CSMD1: variants seen among roughly 807,000 people sequenced by gnomAD.
The protein encoded by CSMD1 is CUB and sushi domain-containing protein 1.
A neutral mutation model predicts 417.5 loss-of-function variants in CSMD1; 213 were observed. That is an observed-to-expected ratio of 0.51 (90% CI 0.46 to 0.57). The LOEUF is 0.57. CSMD1 is among the 20% of genes least tolerant of loss of function. The pLI is 0.00. For missense variants in CSMD1, 6,923 were observed against 4,529.7 expected (o/e 1.53, Z -15.17); for synonymous variants, 2,862 against 1,736.8 (o/e 1.65, Z -16.11).
chr8:4,068,314 G>C (rs1357875772), intron 3 of CSMD1, among the ~76,000 whole-genome samples: 2 of 152,170 alleles, frequency 1.3e-5, no homozygotes, highest in African/African-American at 2.4e-5. Context: ...TATTGCGGGA[G>C]AGCTGTGAGG....
chr8:3,229,731 A>C (rs1321760145), intron 27 of CSMD1, among the ~76,000 whole-genome samples: 3 of 152,198 alleles, frequency 2.0e-5, no homozygotes, highest in Admixed American at 6.5e-5. Flanking sequence ...AGGTTTATAA[A>C]TTTTGAGGCA....
chr8:4,221,121 G>T (rs1021146439), intron 3 of CSMD1, among the ~76,000 whole-genome samples: 1 of 152,160 alleles, frequency 6.6e-6, no homozygotes, highest in Non-Finnish European at 1.5e-5. Context: ...GGACAAGACA[G>T]AGAATAGAAA....
intron 12 of CSMD1, among the ~76,000 whole-genome samples, chr8:3,436,905 G>C (rs559591088): frequency 6.6e-6 from 1 of 152,106 alleles, no homozygotes; most frequent in South Asian, 2.1e-4. Context: ...TATTTTCTCA[G>C]CCACTTTATG....
intron 1 of CSMD1, among the ~76,000 whole-genome samples, chr8:4,950,961 G>A (rs777340774): frequency 7.4e-6 from 1 of 134,860 alleles, no homozygotes; most frequent in Non-Finnish European, 1.5e-5. Flanking sequence ...GAGACTTGTG[G>A]TAAAAAAAAC....
intron 67 of CSMD1, 70 bp from the exon 68 acceptor site, chr8:2,949,456 T>C (rs1256906078): frequency 2.7e-6 from 2 of 742,502 alleles, no homozygotes. Flanking sequence ...CCTCTTTTAA[T>C]ATATCTTTTA....
Position 4,773,149 on chromosome 8 carries a change from G to A in CSMD1, c.86-135591C>T, listed in dbSNP as rs576698097. Among the ~76,000 whole-genome samples the A allele has an allele frequency of 1.9e-3, 290 of 152,202 alleles. 1 individual carries two copies. Among genetic ancestry groups the A allele is most frequent in the Middle Eastern group, 0.01 (3 of 294 alleles). On this transcript the variant is annotated intron_variant, in intron 1 of 69. Coordinates refer to ENST00000635120, the MANE Select transcript of CSMD1 (RefSeq NM_033225.6). ...TTGAGTGTCCCTAATTAAAAATAAA[G>A]TATCAGAAATCTGAAATGTTCCTGT... is the stretch of plus-strand genomic sequence containing the variant.
intron 3 of CSMD1, among the ~76,000 whole-genome samples, chr8:4,381,454 C>T (rs897520518): frequency 4.6e-5 from 7 of 151,946 alleles, no homozygotes; most frequent in Non-Finnish European, 7.4e-5. Flanking sequence ...GGGCTGGTGC[C>T]GACGTGTGCT....
At chr8:3,653,816 A>G (rs894309192) in intron 7 of CSMD1, among the ~76,000 whole-genome samples, 23 of 152,286 alleles carry the variant, frequency 1.5e-4, no homozygotes, top group Admixed American at 3.9e-4. Context: ...TGACCAATAC[A>G]TATTTGATAG....
chr8:3,422,877 G>C (rs1813585503), intron 12 of CSMD1, among the ~76,000 whole-genome samples: 1 of 152,176 alleles, frequency 6.6e-6, no homozygotes, highest in South Asian at 2.1e-4. Context: ...CATGAATTCT[G>C]TGTCCTCCAG....
intron 2 of CSMD1, among the ~76,000 whole-genome samples, chr8:4,457,383 T>C (rs1585109405): frequency 6.6e-6 from 1 of 152,028 alleles, no homozygotes; most frequent in Non-Finnish European, 1.5e-5. Context: ...CTTCCCGAGG[T>C]CTGGAACAGG....
intron 23 of CSMD1, among the ~76,000 whole-genome samples, chr8:3,310,789 T>G (rs1350627032): frequency 1.3e-5 from 2 of 150,082 alleles, no homozygotes; most frequent in Admixed American, 1.3e-4. Flanking sequence ...AACTGTGGGG[T>G]TCTGCACACA....
At chr8:3,445,261 G>A (rs947205729) in intron 12 of CSMD1, among the ~76,000 whole-genome samples, 1 of 152,078 alleles carries the variant, frequency 6.6e-6, no homozygotes, top group South Asian at 2.1e-4. Context: ...GGTTTCACTG[G>A]TGGAAGAAGA....
chr8:3,874,412 T>C (rs978255004), intron 5 of CSMD1, among the ~76,000 whole-genome samples: 1 of 152,100 alleles, frequency 6.6e-6, no homozygotes, highest in African/African-American at 2.4e-5. Context: ...TCATTATAGG[T>C]TTTATCCCTG....
intron 10 of CSMD1, among the ~76,000 whole-genome samples, chr8:3,503,816 TC>T (rs1299689807): frequency 1.5e-5 from 2 of 134,318 alleles, no homozygotes; most frequent in African/African-American, 2.7e-5. Flanking sequence ...GCCCTCCATC[TC>T]CCCCCATCCC....
At chr8:3,546,422 G>C (rs1798666908) in intron 10 of CSMD1, among the ~76,000 whole-genome samples, 2 of 151,950 alleles carry the variant, frequency 1.3e-5, no homozygotes, top group Admixed American at 1.3e-4. Flanking sequence ...TGTAGTCCCA[G>C]CTACTTGGGA....
intron 2 of CSMD1, among the ~76,000 whole-genome samples, chr8:4,610,341 T>A (rs988726624): frequency 6.6e-6 from 1 of 152,204 alleles, no homozygotes; most frequent in Non-Finnish European, 1.5e-5. Flanking sequence ...AGCACTATTG[T>A]AAGCATGTGA....
intron 1 of CSMD1, among the ~76,000 whole-genome samples, chr8:4,729,375 G>A (rs945534168): frequency 1.3e-5 from 2 of 152,162 alleles, no homozygotes; most frequent in African/African-American, 2.4e-5. Context: ...GTTCAAGAGA[G>A]AATTGGAAGA....
intron 4 of CSMD1, among the ~76,000 whole-genome samples, chr8:4,000,253 A>G (rs958753724): frequency 6.6e-6 from 1 of 152,062 alleles, no homozygotes; most frequent in Non-Finnish European, 1.5e-5. Flanking sequence ...CGTGGACACC[A>G]CTGTGCAAGC....
chr8:3,893,363 T>TATATATATATATATATATATATATATATA (rs1563185043), intron 5 of CSMD1, among the ~76,000 whole-genome samples: 5 of 28,818 alleles, frequency 1.7e-4, no homozygotes, highest in African/African-American at 3.9e-4. Context: ...ATATATATAT[T>TATATATATATATATATATATATATATATA]ATTTTTTTTC....
Sources: allele counts gnomAD v4.1 joint callset (sites outside exome capture counted in the v4.1 genomes callset), GRCh38; gene constraint gnomAD v4.1.1; transcripts MANE v1.5; gene names NCBI Gene and HGNC (gene_info 2026-07-23, HGNC 2026-07-21).